ANKRD17: variants seen among roughly 807,000 people sequenced by gnomAD.
ANKRD17 encodes ankyrin repeat domain-containing protein 17.
A neutral mutation model predicts 229.7 loss-of-function variants in ANKRD17; 19 were observed. That is an observed-to-expected ratio of 0.08 (90% confidence interval 0.06 to 0.12). The LOEUF is 0.12. Ranked by LOEUF, ANKRD17 falls within the 10% of genes least tolerant of loss-of-function variation. The pLI is 1.00. For synonymous variants in ANKRD17, 1,112 were observed against 1,146.1 expected, an observed-to-expected ratio of 0.97 and a Z score of 0.60; for missense variants, 2,176 against 3,176.8, an observed-to-expected ratio of 0.68 and a Z score of 7.57.
chr4:73,141,993 C>T (rs1729671011), intron 13 of ANKRD17, 150 bp from the exon 14 acceptor site: 1 of 854,452 alleles, frequency 1.2e-6, no homozygotes, highest in East Asian at 2.8e-5. Flanking sequence ...ATGTTGGCAC[C>T]AAATTGTTTA....
chr4:73,245,381 G>A (rs1477182370), intron 1 of ANKRD17, among the ~76,000 whole-genome samples: 1 of 152,170 alleles, frequency 6.6e-6, no homozygotes, highest in Non-Finnish European at 1.5e-5. Flanking sequence ...CATCCTCAGT[G>A]AGCCTGACCT....
intron 1 of ANKRD17, among the ~76,000 whole-genome samples, chr4:73,185,420 A>C (rs547979956): frequency 6.6e-6 from 1 of 152,072 alleles, no homozygotes; most frequent in African/African-American, 2.4e-5. Flanking sequence ...AATTTTGACT[A>C]TATTATAAAA....
chr4:73,195,997 C>T (rs925052536), intron 1 of ANKRD17, among the ~76,000 whole-genome samples: 2 of 149,362 alleles, frequency 1.3e-5, no homozygotes, highest in African/African-American at 4.9e-5. Flanking sequence ...TTCGAAGAAC[C>T]ATGTTTCTTT....
intron 1 of ANKRD17, among the ~76,000 whole-genome samples, chr4:73,238,133 T>C (rs1327508079): frequency 6.6e-6 from 1 of 151,422 alleles, no homozygotes; most frequent in Non-Finnish European, 1.5e-5. Flanking sequence ...AGAATTTTCA[T>C]AAGACTCTCT....
chr4:73,130,651 C>A (rs1407001927), intron 16 of ANKRD17, among the ~76,000 whole-genome samples: 1 of 148,860 alleles, frequency 6.7e-6, no homozygotes, highest in African/African-American at 2.5e-5. Context: ...GAATAAGGTA[C>A]TCCAAGTTCA....
intron 15 of ANKRD17, among the ~76,000 whole-genome samples, chr4:73,137,975 A>T (rs917814160): frequency 6.6e-6 from 1 of 152,074 alleles, no homozygotes; most frequent in African/African-American, 2.4e-5. Flanking sequence ...GATATTATAT[A>T]AAAAAAATTT....
chr4:73,158,217 C>G (rs1732031335), intron 3 of ANKRD17, among the ~76,000 whole-genome samples: 1 of 93,328 alleles, frequency 1.1e-5, no homozygotes. Flanking sequence ...AAAAGTAGAA[C>G]ATGTCATTCC....
chr4:73,183,924 T>C (rs954133687), intron 1 of ANKRD17, among the ~76,000 whole-genome samples: 12 of 152,198 alleles, frequency 7.9e-5, no homozygotes, highest in Non-Finnish European at 1.6e-4. Flanking sequence ...TCTAAGATAA[T>C]TAGAATTCTT....
chr4:73,160,586 C>T (rs1213770791), intron 3 of ANKRD17, among the ~76,000 whole-genome samples: 3 of 152,038 alleles, frequency 2.0e-5, no homozygotes, highest in South Asian at 4.1e-4. Context: ...TGGATAACAT[C>T]ATCAGAACAG....
intron 1 of ANKRD17, among the ~76,000 whole-genome samples, chr4:73,184,406 G>C (rs1409724698): frequency 6.6e-6 from 1 of 151,342 alleles, no homozygotes; most frequent in African/African-American, 2.4e-5. Context: ...GCAGGTGCCT[G>C]TAATCCTAGC....
intron 2 of ANKRD17, 130 bp from the exon 3 acceptor site, chr4:73,161,478 G>A: frequency 1.2e-6 from 1 of 865,862 alleles, no homozygotes; most frequent in Non-Finnish European, 1.7e-6. Flanking sequence ...ATATATATTG[G>A]CTGCCCAGCA....
At chr4:73,078,437 C>T (rs1398519981) in intron 31 of ANKRD17, among the ~76,000 whole-genome samples, 1 of 151,824 alleles carries the variant, frequency 6.6e-6, no homozygotes, top group Non-Finnish European at 1.5e-5. Context: ...ACTTGGGAGG[C>T]TGTGGCAGGA....
Position 73,091,648 on chromosome 4 carries a change from C to A in ANKRD17, c.5980G>T (p.Val1994Phe). Residue 1994 changes from valine (V) to phenylalanine (F), a missense_variant, in exon 29 of 34, where the codon GTC (valine) becomes TTC (phenylalanine). Val to Phe is a conservative substitution (Grantham distance 50). This residue lies in a region of ANKRD17 where 424 missense variants were observed against 454.0 expected (regional missense o/e 0.93). Coordinates refer to ENST00000358602, the MANE Select transcript of ANKRD17 (RefSeq NM_032217.5). ...ACTGTGACAAAAAGCTGCCTTCGGA[C>A]AGAAGGTGAACTTGGACTGCCATTT... ...STNGSPSSPSVRRQLFVTVVK... is the reference protein window; with the variant it reads ...STNGSPSSPSFRRQLFVTVVK... 6.2e-7 allele frequency: 1 copy of A among 1,614,216 alleles called. No individual in the cohort carries two copies. The highest frequency in any genetic ancestry group is 1.7e-5 in the Admixed American group (1 of 60,030).
chr4:73,135,180 T>G lies in ANKRD17; in HGVS notation c.3171A>C (p.Pro1057=), dbSNP rs1168576859. 2 of 1,613,738 alleles carry G rather than the reference T, an allele frequency of 1.2e-6. No individual in the cohort carries two copies. Among genetic ancestry groups the G allele is most frequent in the East Asian group, 2.2e-5 (1 of 44,844 alleles). ...TGGCTGAAGGAGAGATGATAGGACT[T>G]GGAGTTGGAGTCTGAGGTTGGGAAA... ...ASISQPQTPT[P]SPIISPSAML... Residue 1057 remains proline, a synonymous_variant, in exon 16 of 34, where the codon CCA becomes CCC. Coordinates refer to ENST00000358602, the MANE Select transcript of ANKRD17 (RefSeq NM_032217.5).
chr4:73,170,535 C>CG (rs1168850375), intron 2 of ANKRD17, among the ~76,000 whole-genome samples: 42 of 121,568 alleles, frequency 3.5e-4, no homozygotes, highest in African/African-American at 1.1e-3. Context: ...CAGTTGGGGT[C>CG]GGGGGGCGGG....
chr4:73,097,283 G>A lies in ANKRD17; in HGVS notation c.5022-11C>T. ...ATAGTTTCTGACAATCTTTAACAAA[G>A]AGAGGGAAAGTACATTAAATATGGA... On this transcript the variant is annotated splice_polypyrimidine_tract_variant and intron_variant, in intron 26 of 33. Transcript: ENST00000358602. The A allele has an allele frequency of 6.4e-7, 1 of 1,567,022 alleles. No individual in the cohort carries two copies. Among genetic ancestry groups the A allele is most frequent in the Non-Finnish European group, 8.6e-7 (1 of 1,160,988 alleles).
At chr4:73,095,546 A>T (rs1443714510) in intron 27 of ANKRD17, among the ~76,000 whole-genome samples, 1 of 151,400 alleles carries the variant, frequency 6.6e-6, no homozygotes, top group Non-Finnish European at 1.5e-5. Flanking sequence ...AGGTTGCAGC[A>T]AGCCGAGATC....
chr4:73,250,589 CAAAAA>C lies in ANKRD17; in HGVS notation c.393+7682_393+7686del, dbSNP rs35160047. 2.1e-3 allele frequency among the ~76,000 whole-genome samples: 63 copies of C among 29,410 alleles called. No individual in the cohort carries two copies. The East Asian group carries it at 0.022, about 10-fold the overall frequency. 19.3% of individuals were successfully genotyped at this position (29,410 alleles called of 152,430 possible). Reference sequence around the variant, plus strand: ...CACTCCAGCATAGATGACCTTGTCTCAAAAAAAAAAAAAAAAAAAAAAAAAACAGA... The same window carrying C: ...CACTCCAGCATAGATGACCTTGTCTCAAAAAAAAAAAAAAAAAAAAACAGA... On this transcript the variant is annotated intron_variant, in intron 1 of 33. Coordinates refer to ENST00000358602, the MANE Select transcript of ANKRD17 (RefSeq NM_032217.5).
intron 1 of ANKRD17, among the ~76,000 whole-genome samples, chr4:73,212,420 A>G (rs1183484516): frequency 6.6e-6 from 1 of 152,218 alleles, no homozygotes; most frequent in African/African-American, 2.4e-5. Flanking sequence ...CATTTACGAA[A>G]CGATCCACCT....
Sources: allele counts gnomAD v4.1 joint callset (sites outside exome capture counted in the v4.1 genomes callset), GRCh38; gene constraint gnomAD v4.1.1; regional missense constraint gnomAD v4.1.1; transcripts MANE v1.5; gene names NCBI Gene and HGNC (gene_info 2026-07-23, HGNC 2026-07-21).